PPP2R1B: variants seen among roughly 807,000 people sequenced by gnomAD.
PPP2R1B encodes the protein protein phosphatase 2 scaffold subunit Abeta, also known as serine/threonine-protein phosphatase 2A 65 kDa regulatory subunit A beta isoform.
In PPP2R1B, 58 loss-of-function variants were observed where a neutral mutation model predicts 72.7. The observed-to-expected ratio is 0.80, with a 90% CI of 0.65 to 0.99. The LOEUF (loss-of-function observed/expected upper bound fraction) is 0.99. PPP2R1B is among the 50% of genes least tolerant of loss of function. The probability of loss-of-function intolerance (pLI) is 0.00; values close to 1 mark genes in which losing one functional copy is unlikely to be tolerated. For synonymous variants in PPP2R1B, 256 were observed against 264.6 expected, an observed-to-expected ratio of 0.97 and a Z score of 0.32; for missense variants, 695 against 733.6, an observed-to-expected ratio of 0.95 and a Z score of 0.61.
the PPP2R1B span, chr11:111,718,717 T>G: frequency 2.6e-5 from 4 of 152,226 alleles, no homozygotes; most frequent in African/African-American, 9.6e-5. Flanking sequence ...CATGAGCTTC[T>G]CCTGCTTCCA....
chr11:111,737,753 T>G (rs185046408), downstream of PPP2R1B: 444 of 1,328,996 alleles, frequency 3.3e-4, no homozygotes, highest in African/African-American at 4.9e-3. Flanking sequence ...CGTGCTGAGG[T>G]GCCTTTCCCT....
chr11:111,737,763 T>G (rs970991053), downstream of PPP2R1B: 3 of 1,325,106 alleles, frequency 2.3e-6, no homozygotes, highest in Non-Finnish European at 3.0e-6. Context: ...TGCCTTTCCC[T>G]CGGGGCCCTG....
chr11:111,727,214 A>C, intron 15 of PPP2R1B: 2 of 649,718 alleles, frequency 3.1e-6, no homozygotes, highest in Non-Finnish European at 5.5e-6. Flanking sequence ...TACACCATCC[A>C]CCTTGAGAAT....
intron 10 of PPP2R1B, among the ~76,000 whole-genome samples, chr11:111,749,427 C>A (rs1324609563): frequency 6.6e-6 from 1 of 151,890 alleles, no homozygotes; most frequent in African/African-American, 2.4e-5. Flanking sequence ...TCCCAAGTAA[C>A]AGGCACCCAC....
Position 111,754,961 on chromosome 11 carries a change from A to G in PPP2R1B, c.958+19T>C. On this transcript the variant is annotated intron_variant, in intron 7 of 14. Transcript: ENST00000527614. ...CAAAATGAATGACACATGTTCCAACATAAATTGAACTCCTTAACCTTTTAC... is the reference window on the plus strand; with the variant it reads ...CAAAATGAATGACACATGTTCCAACGTAAATTGAACTCCTTAACCTTTTAC... The G allele has an allele frequency of 6.4e-7, 1 of 1,556,392 alleles. No homozygotes were observed. The highest frequency in any genetic ancestry group is 1.9e-5 in the Admixed American group (1 of 53,400).
the PPP2R1B span, chr11:111,701,397 CAA>C: frequency 4.4e-6 from 7 of 1,578,586 alleles, no homozygotes; most frequent in African/African-American, 2.7e-5. This position sits in a 1 kb window ranked among gnomAD's most constrained non-coding sequence, Gnocchi z 4.2. Flanking sequence ...TTCAGGAAAA[CAA>C]AGAGTGTTTG....
Position 111,739,680 on chromosome 11 carries a change from T to G in PPP2R1B, c.*1916A>C, listed in dbSNP as rs1944455809. 18 of 985,432 alleles carry G rather than the reference T, an allele frequency of 1.8e-5. No homozygotes were observed. In the South Asian group the frequency reaches 2.3e-4, roughly 13 times the overall value. The allele number at this position is 985,432 out of a possible 1,614,324, so 61.0% of individuals were successfully genotyped here. On this transcript the variant is annotated 3_prime_UTR_variant, in exon 15 of 15. Transcript: ENST00000527614. ...AACCAGAGTAAAGCAATGGTTCCAG[T>G]GCAAATCTGCTTCATGAAGACAAAT...
downstream of PPP2R1B, among the ~76,000 whole-genome samples, chr11:111,723,060 C>T (rs1276367107): frequency 3.3e-5 from 5 of 152,150 alleles, no homozygotes; most frequent in African/African-American, 7.2e-5. Flanking sequence ...GTGGGGTAGG[C>T]GGCACAGGAG....
rs534648295 is a variant in PPP2R1B, at chr11:111,743,296, T to C, written c.1554+80A>G. 10 of 1,347,416 alleles carry C rather than the reference T, an allele frequency of 7.4e-6. No homozygotes were observed. In the East Asian group the frequency reaches 1.8e-4, roughly 25 times the overall value. The allele number at this position is 1,347,416 out of a possible 1,614,324, so 83.5% of individuals were successfully genotyped here. A position where few individuals can be genotyped will look rare whatever the true frequency, so the allele number is the denominator to read the frequency against. ...GACATATATTCCAAATAGAAGACAGTATACTGATAATTCAGAAATAGTCAT... is the reference window on the plus strand; with the variant it reads ...GACATATATTCCAAATAGAAGACAGCATACTGATAATTCAGAAATAGTCAT... On this transcript the variant is annotated intron_variant, in intron 12 of 14. Transcript: ENST00000527614.
intron 11 of PPP2R1B, among the ~76,000 whole-genome samples, chr11:111,743,935 G>A (rs1367343311): frequency 6.6e-6 from 1 of 152,222 alleles, no homozygotes; most frequent in Non-Finnish European, 1.5e-5. Context: ...GAGGGTTGTA[G>A]CAGTGCAGAG....
intron 3 of PPP2R1B, 98 bp downstream of exon 3, chr11:111,764,707 T>A (rs1225104200): frequency 8.4e-7 from 1 of 1,188,378 alleles, no homozygotes; most frequent in Non-Finnish European, 1.2e-6. Context: ...CATAAAAAGA[T>A]CTGCATAAAA....
Position 111,741,455 on chromosome 11 carries a change from T to C in PPP2R1B, c.*141A>G. The stretch of plus-strand genomic sequence containing the variant: ...TCATCTTTAGAAAGAATTAAGTCAC[T>C]AAATGATTTCTTCTAAGTTGTTGCC... On this transcript the variant is annotated 3_prime_UTR_variant, in exon 15 of 15. Transcript: ENST00000527614. 2 of 1,470,188 alleles carry C rather than the reference T, an allele frequency of 1.4e-6. No individual in the cohort carries two copies. The highest frequency in any genetic ancestry group is 1.8e-6 in the Non-Finnish European group (2 of 1,113,684). The allele number at this position is 1,470,188 out of a possible 1,614,324, so 91.1% of individuals were successfully genotyped here.
the PPP2R1B span, among the ~76,000 whole-genome samples, chr11:111,691,889 A>G: frequency 6.6e-6 from 1 of 152,220 alleles, no homozygotes; most frequent in Non-Finnish European, 1.5e-5. Flanking sequence ...TTAATCAAAT[A>G]AGAACCAGAC....
the PPP2R1B span, among the ~76,000 whole-genome samples, chr11:111,716,733 G>C: frequency 6.6e-6 from 1 of 152,234 alleles, no homozygotes; most frequent in East Asian, 1.9e-4. Flanking sequence ...TGTATAAACT[G>C]ACAATTTAAG....
chr11:111,715,617 T>C, the PPP2R1B span, among the ~76,000 whole-genome samples: 1 of 152,116 alleles, frequency 6.6e-6, no homozygotes, highest in Admixed American at 6.5e-5. Flanking sequence ...TGCCCAACTC[T>C]AGATAAGAAT....
At chr11:111,701,332 A>G in the PPP2R1B span, 1 of 1,330,584 alleles carries the variant, frequency 7.5e-7, no homozygotes, top group Admixed American at 2.5e-5. The surrounding 1 kb of genome is among the most constrained non-coding windows in gnomAD (Gnocchi z 4.2). Context: ...CTGAGAAAAT[A>G]ATAAATCCAG....
the PPP2R1B span, among the ~76,000 whole-genome samples, chr11:111,692,568 G>A: frequency 6.6e-6 from 1 of 152,072 alleles, no homozygotes; most frequent in East Asian, 1.9e-4. Flanking sequence ...GCATGGGCCA[G>A]ATCATTCACG....
intron 15 of PPP2R1B, among the ~76,000 whole-genome samples, chr11:111,732,453 G>C (rs1944224024): frequency 6.6e-6 from 1 of 152,196 alleles, no homozygotes; most frequent in African/African-American, 2.4e-5. Context: ...CACCTTGGGA[G>C]GCAGAGGCAG....
At chr11:111,745,089 T>C (rs1944659971) in intron 11 of PPP2R1B, among the ~76,000 whole-genome samples, 1 of 144,446 alleles carries the variant, frequency 6.9e-6, no homozygotes, top group South Asian at 2.3e-4. Context: ...CCTCACTCTG[T>C]CTCTCAGGCT....
Sources: gnomAD v4.1 joint callset for allele counts (sites outside exome capture counted in the v4.1 genomes callset) on GRCh38, gnomAD v4.1.1 for gene constraint, Gnocchi (gnomAD v3.1) non-coding constraint, MANE v1.5 for transcripts, NCBI Gene and HGNC (gene_info 2026-07-23, HGNC 2026-07-21) for gene names.